Variants in CFAP43 observed in about 807,000 individuals in gnomAD.
CFAP43 encodes the protein cilia- and flagella-associated protein 43.
A neutral mutation model predicts 218.9 loss-of-function variants in CFAP43; 155 were observed. That is an observed-to-expected ratio of 0.71 (90% confidence interval 0.62 to 0.81). The LOEUF (loss-of-function observed/expected upper bound fraction) is 0.81, where lower values mean the gene tolerates loss of function less well. CFAP43 is among the 30% of genes least tolerant of loss of function. The pLI is 0.00. For missense variants in CFAP43, 1,778 were observed against 1,954.3 expected (o/e 0.91, Z 1.70); for synonymous variants, 645 against 681.3 (o/e 0.95, Z 0.83).
Position 104,142,288 on chromosome 10 carries a change from G to GT in CFAP43, c.4263dup (p.Leu1422ThrfsTer22), listed in dbSNP as rs1315111790. On this transcript the variant is annotated frameshift_variant, in exon 33 of 38. Coordinates refer to ENST00000357060, the MANE Select transcript of CFAP43 (RefSeq NM_025145.7). LOFTEE classifies it high-confidence loss of function. The stretch of plus-strand genomic sequence containing the variant: ...AAGAAAGCTTCAAATTACAGGATGA[G>GT]TTCATGGAACACTCTCTCAATCTCC... The GT allele has an allele frequency of 1.9e-6, 3 of 1,612,236 alleles. No homozygotes were observed. Among genetic ancestry groups the GT allele is most frequent in the Non-Finnish European group, 2.5e-6 (3 of 1,179,016 alleles).
chr10:104,179,740 A>C, intron 18 of CFAP43, 100 bp downstream of exon 18: 2 of 897,532 alleles, frequency 2.2e-6, no homozygotes, highest in Non-Finnish European at 3.5e-6. Flanking sequence ...GTGGTGTCTC[A>C]TTCCATCTTC....
intron 34 of CFAP43, among the ~76,000 whole-genome samples, chr10:104,135,580 A>G (rs1240214198): frequency 6.6e-6 from 1 of 152,218 alleles, no homozygotes; most frequent in Non-Finnish European, 1.5e-5. Flanking sequence ...ATTTTTATAC[A>G]TCACCACTGA....
At chr10:104,181,286 A>T (rs11191940) in intron 17 of CFAP43, among the ~76,000 whole-genome samples, 19,194 of 151,898 alleles carry the variant, frequency 0.13, 1,508 homozygotes, top group Non-Finnish European at 0.17. Context: ...AGTGAGTTCT[A>T]TCAACCCTAC....
In CFAP43 at chr10:104,132,944, T is replaced by C; in HGVS notation, c.4596+676A>G. On this transcript the variant is annotated intron_variant, in intron 35 of 37. Coordinates refer to ENST00000357060, the MANE Select transcript of CFAP43 (RefSeq NM_025145.7). ...GAGTGTCATGCTAATTCAAAGGTGG[T>C]TTGTAATGAGATGGAATTTCTCCAG... 6.8e-6 allele frequency: 2 copies of C among 296,108 alleles called. 1 individual carries two copies. The highest frequency in any genetic ancestry group is 3.5e-4 in the East Asian group (2 of 5,762). The allele number at this position is 296,108 out of a possible 1,614,324, so 18.3% of individuals were successfully genotyped here. A position where few individuals can be genotyped will look rare whatever the true frequency, so the allele number is the denominator to read the frequency against.
At chr10:104,138,031 G>A (rs2087532443) in intron 34 of CFAP43, among the ~76,000 whole-genome samples, 1 of 152,138 alleles carries the variant, frequency 6.6e-6, no homozygotes, top group African/African-American at 2.4e-5. Flanking sequence ...TATCAGATGG[G>A]AAATTTAAAA....
At position 104,193,948 on chromosome 10, in the gene CFAP43, A is replaced by C; in HGVS notation, c.1360T>G (p.Tyr454Asp). The C allele has an allele frequency of 6.2e-7, 1 of 1,614,162 alleles. No homozygotes were observed. The highest frequency in any genetic ancestry group is 8.5e-7 in the Non-Finnish European group (1 of 1,180,028). ...AAVGTEDGSV[Y>D]FISVYDKESP... ...TCCTTATCATATACGCTGATGAAGT[A>C]GACCGAGCCATCCTCCGTGCCCACG... Residue 454 changes from tyrosine (Y) to aspartate (D), a missense_variant, in exon 11 of 38, where the codon TAC becomes GAC. This residue lies in a region of CFAP43 where 1,553 missense variants were observed against 1,685.2 expected (regional missense o/e 0.92). Coordinates refer to ENST00000357060, the MANE Select transcript of CFAP43 (RefSeq NM_025145.7).
intron 17 of CFAP43, among the ~76,000 whole-genome samples, chr10:104,180,445 CTTTTT>C (rs34452460): frequency 8.0e-6 from 1 of 124,648 alleles, no homozygotes; most frequent in Non-Finnish European, 1.7e-5. Context: ...CACCCTATTT[CTTTTT>C]TTTTTTTTTT....
At position 104,187,418 on chromosome 10, in the gene CFAP43, G is replaced by A. The variant is rs775226284; in HGVS notation, c.1762C>T (p.His588Tyr). 1 of 1,609,774 alleles carries A rather than the reference G, an allele frequency of 6.2e-7. No individual in the cohort carries two copies. Among genetic ancestry groups the A allele is most frequent in the Non-Finnish European group, 8.5e-7 (1 of 1,178,498 alleles). Residue 588 changes from histidine (H) to tyrosine (Y), a missense_variant, in exon 14 of 38, where the codon CAC becomes TAC. Physicochemically the swap from His to Tyr is moderately conservative, Grantham distance 83. Transcript: ENST00000357060. ...IIHKYLYELE[H>Y]ALSSAVLGFQ... The stretch of plus-strand genomic sequence containing the variant: ...CCCAAGACTGCAGAGGACAGAGCGT[G>A]CTCCAACTCATACAGGTACTTATGA...
chr10:104,139,616 A>G (rs1261833934), intron 34 of CFAP43, among the ~76,000 whole-genome samples: 1 of 152,254 alleles, frequency 6.6e-6, no homozygotes, highest in African/African-American at 2.4e-5. Flanking sequence ...CGAACCTGGC[A>G]ATCCAGTGAA....
chr10:104,192,196 T>C lies in CFAP43; in HGVS notation c.1546+3A>G, dbSNP rs745772468. On this transcript the variant is annotated splice_donor_region_variant and intron_variant, in intron 12 of 37. Coordinates refer to ENST00000357060, the MANE Select transcript of CFAP43 (RefSeq NM_025145.7). ...TTAAATTAATCAGCATTCTATGTTG[T>C]ACCTGTGAATCCAATAATCTGAAAT... The C allele has an allele frequency of 2.1e-5, 33 of 1,598,716 alleles. No homozygotes were observed. The highest frequency in any genetic ancestry group is 2.8e-5 in the Non-Finnish European group (33 of 1,168,216).
chr10:104,187,409 A>C lies in CFAP43; in HGVS notation c.1771T>G (p.Ser591Ala), dbSNP rs778411155. 6.2e-7 allele frequency: 1 copy of C among 1,611,506 alleles called. No individual in the cohort carries two copies. Among genetic ancestry groups the C allele is most frequent in the Admixed American group, 1.7e-5 (1 of 59,386 alleles). The change falls in exon 14 of 38, where the codon TCC (serine) becomes GCC (alanine). Residue 591 changes from serine (S) to alanine (A), a missense_variant. Ser to Ala is a moderately conservative substitution (Grantham distance 99). This residue lies in a region of CFAP43 where 1,553 missense variants were observed against 1,685.2 expected (regional missense o/e 0.92). Transcript: ENST00000357060. ...KYLYELEHAL[S>A]SAVLGFQSNQ... ...CTTTGAAAGCCCAAGACTGCAGAGG[A>C]CAGAGCGTGCTCCAACTCATACAGG...
At chr10:104,139,240 G>C (rs916086768) in intron 34 of CFAP43, among the ~76,000 whole-genome samples, 3 of 152,154 alleles carry the variant, frequency 2.0e-5, no homozygotes, top group Admixed American at 6.5e-5. Context: ...AACAGTATCA[G>C]ACAATCTGAC....
chr10:104,204,124 G>C (rs959346055), intron 7 of CFAP43, among the ~76,000 whole-genome samples: 4 of 152,170 alleles, frequency 2.6e-5, no homozygotes, highest in Admixed American at 1.3e-4. Context: ...AAATGAAGTA[G>C]AGTTTGTGTG....
At chr10:104,221,021 G>C (rs191837006) in intron 3 of CFAP43, among the ~76,000 whole-genome samples, 13 of 150,838 alleles carry the variant, frequency 8.6e-5, no homozygotes, top group Non-Finnish European at 1.6e-4. Flanking sequence ...TGTCACCCAG[G>C]CTGGAGTGCA....
At chr10:104,203,065 T>A (rs1370520446) in intron 8 of CFAP43, among the ~76,000 whole-genome samples, 1 of 152,234 alleles carries the variant, frequency 6.6e-6, no homozygotes, top group African/African-American at 2.4e-5. Flanking sequence ...ATTTTTCTTC[T>A]TCTCTTATAG....
chr10:104,183,389 T>G (rs1239864713), intron 16 of CFAP43, among the ~76,000 whole-genome samples: 2 of 151,500 alleles, frequency 1.3e-5, no homozygotes, highest in African/African-American at 4.8e-5. Flanking sequence ...CATCGTTTTT[T>G]TTTTTTTTTT....
rs1398941637 is a variant in CFAP43, at chr10:104,166,512, T to A, written c.3015A>T (p.Lys1005Asn). 6.2e-7 allele frequency: 1 copy of A among 1,613,356 alleles called. No individual in the cohort carries two copies. Among genetic ancestry groups the A allele is most frequent in the Non-Finnish European group, 8.5e-7 (1 of 1,179,796 alleles). ...SQLELHSREE[K>N]INQIILLKDI... ...CTTTCAATAATATAATTTGGTTGAT[T>A]TTCTCTTCTCTGGAATGAAGCTCCA... The change falls in exon 23 of 38, where the codon AAA becomes AAT. Residue 1005 changes from lysine (K) to asparagine (N), a missense_variant. Lys to Asn is a moderately conservative substitution (Grantham distance 94). Coordinates refer to ENST00000357060, the MANE Select transcript of CFAP43 (RefSeq NM_025145.7).
chr10:104,164,382 C>G, intron 23 of CFAP43, 82 bp from the exon 24 acceptor site: 1 of 1,140,042 alleles, frequency 8.8e-7, no homozygotes, highest in Non-Finnish European at 1.2e-6. Context: ...TACTTTCCCT[C>G]TAAAATCATT....
At chr10:104,184,058 TA>T (rs1298622125) in intron 16 of CFAP43, among the ~76,000 whole-genome samples, 5 of 152,194 alleles carry the variant, frequency 3.3e-5, no homozygotes, top group African/African-American at 1.2e-4. Flanking sequence ...TATCACGAAA[TA>T]TTATTTTTTC....
Sources: allele counts gnomAD v4.1 joint callset (sites outside exome capture counted in the v4.1 genomes callset), GRCh38; gene constraint gnomAD v4.1.1; regional missense constraint gnomAD v4.1.1; transcripts MANE v1.5; gene names NCBI Gene and HGNC (gene_info 2026-07-23, HGNC 2026-07-21).